HOOK3: variants seen among roughly 807,000 people sequenced by gnomAD.
The protein encoded by HOOK3 is hook microtubule tethering protein 3, also known as protein Hook homolog 3.
In HOOK3, 24 loss-of-function variants were observed where a neutral mutation model predicts 116.3. That is an observed-to-expected ratio of 0.21 (90% confidence interval 0.15 to 0.29). The LOEUF is 0.29. Ranked by LOEUF, HOOK3 falls within the 10% of genes least tolerant of loss-of-function variation. The probability of loss-of-function intolerance (pLI) is 1.00; values close to 1 mark genes in which losing one functional copy is unlikely to be tolerated. For synonymous variants in HOOK3, 275 were observed against 283.0 expected (o/e 0.97, Z 0.28); for missense variants, 632 against 830.2 (o/e 0.76, Z 2.93).
chr8:42,960,584 G>A (rs143914901), intron 8 of HOOK3, among the ~76,000 whole-genome samples: 17 of 152,336 alleles, frequency 1.1e-4, no homozygotes, highest in Middle Eastern at 3.4e-3. Flanking sequence ...GAAGGAAAGG[G>A]AGAGCCAGAA....
At chr8:43,000,646 G>A (rs1436081976) in intron 16 of HOOK3, among the ~76,000 whole-genome samples, 1 of 152,172 alleles carries the variant, frequency 6.6e-6, no homozygotes, top group Admixed American at 6.5e-5. Flanking sequence ...TAGAGGTGAA[G>A]GACATGCATG....
At chr8:42,975,657 C>T (rs1356867228) in intron 13 of HOOK3, among the ~76,000 whole-genome samples, 1 of 152,170 alleles carries the variant, frequency 6.6e-6, no homozygotes, top group Non-Finnish European at 1.5e-5. Context: ...CTAATTTCTC[C>T]AAAGGAGAAA....
intron 9 of HOOK3, among the ~76,000 whole-genome samples, chr8:42,965,041 C>A (rs1206725005): frequency 6.6e-6 from 1 of 152,172 alleles, no homozygotes; most frequent in Non-Finnish European, 1.5e-5. Context: ...CCACACCTGC[C>A]CCTCTGTGGG....
At chr8:43,006,397 C>A (rs1280948573) in intron 17 of HOOK3, among the ~76,000 whole-genome samples, 1 of 152,090 alleles carries the variant, frequency 6.6e-6, no homozygotes, top group Non-Finnish European at 1.5e-5. Context: ...TCACTGCAAC[C>A]TCCGCCTCCC....
intron 11 of HOOK3, among the ~76,000 whole-genome samples, chr8:42,972,944 G>C (rs541337671): frequency 7.4e-4 from 113 of 152,178 alleles, no homozygotes; most frequent in Non-Finnish European, 1.2e-3. Flanking sequence ...TTATTTTCTT[G>C]TAAGCTTAGC....
intron 2 of HOOK3, among the ~76,000 whole-genome samples, chr8:42,919,167 G>A (rs2130346301): frequency 6.6e-6 from 1 of 151,942 alleles, no homozygotes; most frequent in East Asian, 1.9e-4. Flanking sequence ...GCCGGGCAGA[G>A]GGGCTCCTCA....
chr8:42,908,936 G>C (rs1018245198), intron 2 of HOOK3, among the ~76,000 whole-genome samples: 1 of 152,192 alleles, frequency 6.6e-6, no homozygotes, highest in Non-Finnish European at 1.5e-5. Flanking sequence ...TATCCAGTCT[G>C]TATAAGAAAC....
chr8:42,960,578 G>A (rs973798794), intron 8 of HOOK3, among the ~76,000 whole-genome samples: 1 of 152,206 alleles, frequency 6.6e-6, no homozygotes, highest in African/African-American at 2.4e-5. Context: ...AGTGATGAAG[G>A]AAAGGGAGAG....
intron 6 of HOOK3, among the ~76,000 whole-genome samples, chr8:42,951,339 G>A (rs963859465): frequency 6.6e-6 from 1 of 152,196 alleles, no homozygotes; most frequent in Non-Finnish European, 1.5e-5. Context: ...TAGGATTACA[G>A]GCGTGAGCCA....
chr8:42,915,790 T>G (rs1223398039), intron 2 of HOOK3, among the ~76,000 whole-genome samples: 4 of 152,216 alleles, frequency 2.6e-5, no homozygotes. Flanking sequence ...TCAGCGTCAT[T>G]TGATAACACT....
intron 2 of HOOK3, among the ~76,000 whole-genome samples, chr8:42,914,249 G>GAT (rs770781007): frequency 6.6e-5 from 10 of 152,064 alleles, no homozygotes; most frequent in Non-Finnish European, 7.3e-5. Flanking sequence ...AATTTGGGTG[G>GAT]ATATAGTACT....
chr8:42,899,983 A>C (rs1807152092), intron 1 of HOOK3, among the ~76,000 whole-genome samples: 2 of 152,336 alleles, frequency 1.3e-5, no homozygotes, highest in Middle Eastern at 3.4e-3. Flanking sequence ...GAAATGGCTA[A>C]AGTAATAAAA....
intron 5 of HOOK3, among the ~76,000 whole-genome samples, chr8:42,946,189 G>A (rs1763545818): frequency 1.3e-5 from 2 of 152,194 alleles, no homozygotes; most frequent in Admixed American, 1.3e-4. Flanking sequence ...AGGAACTTGA[G>A]TGGAAGGACA....
Position 43,013,107 on chromosome 8 carries a change from T to G in HOOK3, c.1896T>G (p.Ala632=). Residue 632 remains alanine, a synonymous_variant, in exon 20 of 22, where the codon GCT becomes GCG. Coordinates refer to ENST00000307602, the MANE Select transcript of HOOK3 (RefSeq NM_032410.4). ...AAGGAGCAGCACCAGAAATACAAGCTCTTAAAAATCAGCTCCAGGAACGAG... is the reference window on the plus strand; with the variant it reads ...AAGGAGCAGCACCAGAAATACAAGCGCTTAAAAATCAGCTCCAGGAACGAG... ...QNQGAAPEIQ[A]LKNQLQERDR... is the part of the protein sequence containing the mutation. The G allele has an allele frequency of 1.9e-6, 3 of 1,613,568 alleles. No homozygotes were observed. The highest frequency in any genetic ancestry group is 2.5e-6 in the Non-Finnish European group (3 of 1,179,674).
rs1213374602 is a variant in HOOK3, at chr8:43,029,846, C to G, written c.*11348C>G. 4.7e-6 allele frequency: 1 copy of G among 213,100 alleles called. No homozygotes were observed. The highest frequency in any genetic ancestry group is 9.5e-6 in the Non-Finnish European group (1 of 105,562). The allele number at this position is 213,100 out of a possible 1,614,324, so 13.2% of individuals were successfully genotyped here. A position where few individuals can be genotyped will look rare whatever the true frequency, so the allele number is the denominator to read the frequency against. On this transcript the variant is annotated 3_prime_UTR_variant, in exon 22 of 22. Coordinates refer to ENST00000307602, the MANE Select transcript of HOOK3 (RefSeq NM_032410.4). ...ATTGAGTACAGCCCCAACTCTGAAG[C>G]CTTATATTCATGTCTTAAGTACCAT...
chr8:43,009,131 G>A (rs192223082), intron 18 of HOOK3, among the ~76,000 whole-genome samples: 3 of 151,950 alleles, frequency 2.0e-5, no homozygotes, highest in Admixed American at 2.0e-4. Flanking sequence ...GCCAGCAACG[G>A]TGGCTCACTC....
chr8:42,977,664 G>A (rs967941617), intron 13 of HOOK3, among the ~76,000 whole-genome samples: 3 of 151,970 alleles, frequency 2.0e-5, no homozygotes, highest in African/African-American at 7.2e-5. Flanking sequence ...GCCAGGAGTC[G>A]GAGACCAGCC....
Position 43,018,416 on chromosome 8 carries a change from A to G in HOOK3, c.2075A>G (p.Gln692Arg). ...AGACTGGCAAGCACAGGCTCAGGGC[A>G]GTCATTTCTGGCGAGGCAGAGGCAA... The part of the protein sequence containing the change: ...EDRLASTGSG[Q>R]SFLARQRQAT... The change falls in exon 22 of 22, where the codon CAG (glutamine) becomes CGG (arginine). Residue 692 changes from glutamine (Q) to arginine (R), a missense_variant. Transcript: ENST00000307602. The G allele has an allele frequency of 6.2e-7, 1 of 1,613,948 alleles. No individual in the cohort carries two copies.
At chr8:43,016,631 A>T (rs1403365027) in intron 21 of HOOK3, among the ~76,000 whole-genome samples, 2 of 152,262 alleles carry the variant, frequency 1.3e-5, no homozygotes, top group Admixed American at 1.3e-4. Flanking sequence ...TCTTTAACCT[A>T]TGTGAAGAAT....
Sources: gnomAD v4.1 joint callset for allele counts (sites outside exome capture counted in the v4.1 genomes callset) on GRCh38, gnomAD v4.1.1 for gene constraint, MANE v1.5 for transcripts, NCBI Gene and HGNC (gene_info 2026-07-23, HGNC 2026-07-21) for gene names.